Variants in RYR3 observed in about 807,000 individuals in gnomAD.
RYR3 encodes the protein brain ryanodine receptor-calcium release channel.
Under a neutral mutation model 584.3 loss-of-function variants are expected in RYR3, and 207 were observed. The ratio of observed to expected loss-of-function variants is 0.35; its 90% CI spans 0.32 to 0.40. The LOEUF (loss-of-function observed/expected upper bound fraction) is 0.40, where lower values mean the gene tolerates loss of function less well. RYR3 is among the 10% of genes least tolerant of loss of function. The pLI is 1.00. For missense variants in RYR3, 5,616 were observed against 6,089.2 expected, an observed-to-expected ratio of 0.92 and a Z score of 2.59; for synonymous variants, 2,416 against 2,248.5, an observed-to-expected ratio of 1.07 and a Z score of -2.11.
At chr15:33,865,067 AC>A in intron 103 of RYR3, 63 bp from the exon 104 acceptor site, 1 of 1,338,438 alleles carries the variant, frequency 7.5e-7, no homozygotes, top group Non-Finnish European at 1.1e-6. Flanking sequence ...AAGAACAAAA[AC>A]AAACTGGGTT....
chr15:33,811,621 T>TTACAAAGAGGG (rs1555468839), intron 72 of RYR3, among the ~76,000 whole-genome samples: 2 of 151,306 alleles, frequency 1.3e-5, no homozygotes, highest in Non-Finnish European at 2.9e-5. Context: ...ACAAAGAGGA[T>TTACAAAGAGGG]TACAAAGAGG....
At chr15:33,543,294 C>A (rs561805955) in intron 7 of RYR3, among the ~76,000 whole-genome samples, 1 of 152,214 alleles carries the variant, frequency 6.6e-6, no homozygotes, top group South Asian at 2.1e-4. Flanking sequence ...GTACTTACAT[C>A]CTAAGCAACT....
At chr15:33,724,760 A>G (rs1489467629) in intron 45 of RYR3, among the ~76,000 whole-genome samples, 1 of 152,208 alleles carries the variant, frequency 6.6e-6, no homozygotes, top group African/African-American at 2.4e-5. Context: ...GTCTGACATC[A>G]TAAGAGAGGA....
rs575942547 is a variant in RYR3 at position 33,688,560 on chromosome 15, G to A, written c.5861-7658G>A. Among the ~76,000 whole-genome samples the A allele has an allele frequency of 8.9e-4, 121 of 136,418 alleles. 1 individual carries two copies. The highest frequency in any genetic ancestry group is 4.2e-3 in the East Asian group (19 of 4,510). The allele number at this position is 136,418 out of a possible 152,430, so 89.5% of individuals were successfully genotyped here. ...TGCACTCCAGCCTGGGCGACAGAGCGAGACTCCATCTCAAAAAAAAAAAAA... is the reference window on the plus strand; with the variant it reads ...TGCACTCCAGCCTGGGCGACAGAGCAAGACTCCATCTCAAAAAAAAAAAAA... On this transcript the variant is annotated intron_variant, in intron 38 of 103. Transcript: ENST00000634891.
intron 1 of RYR3, among the ~76,000 whole-genome samples, chr15:33,434,863 G>T (rs1458446345): frequency 1.3e-5 from 2 of 152,062 alleles, no homozygotes; most frequent in Non-Finnish European, 2.9e-5. Context: ...TGTCTCCCAG[G>T]CTGGAGTGCA....
Position 33,660,506 on chromosome 15 carries a change from G to A in RYR3, c.4622+83G>A, listed in dbSNP as rs945210422. On this transcript the variant is annotated intron_variant, in intron 34 of 103. Transcript: ENST00000634891. ...AAGCCAGCCCAGAAGGAAACCAGGA[G>A]CATCTGTGTTGGATCCTGCTCAGTC... 17 of 928,176 alleles carry A rather than the reference G, an allele frequency of 1.8e-5. No individual in the cohort carries two copies. In the East Asian group the frequency reaches 3.7e-4, roughly 20 times the overall value. The allele number at this position is 928,176 out of a possible 1,614,324, so 57.5% of individuals were successfully genotyped here. A position where few individuals can be genotyped will look rare whatever the true frequency, so the allele number is the denominator to read the frequency against.
chr15:33,504,880 T>C (rs1290550890), intron 3 of RYR3, among the ~76,000 whole-genome samples: 6 of 152,252 alleles, frequency 3.9e-5, no homozygotes, highest in Admixed American at 1.3e-4. Flanking sequence ...TTCCCTTATG[T>C]AATCCCTACG....
rs1486530984 is a variant in RYR3, at chr15:33,801,898, G to T, written c.9948G>T (p.Val3316=). 1.9e-6 allele frequency: 3 copies of T among 1,577,518 alleles called. No individual in the cohort carries two copies. In the East Asian group the frequency reaches 6.8e-5, roughly 36 times the overall value. Residue 3316 remains valine, a synonymous_variant, in exon 69 of 104, where the codon GTG becomes GTT. Transcript: ENST00000634891. ...HNFKREEQNF[V]IQNEINNLAF... Reference sequence around the variant, plus strand: ...TCAAGAGAGAAGAGCAAAATTTTGTGATTCAGAATGAAATTAATAATTTGG... The same window carrying T: ...TCAAGAGAGAAGAGCAAAATTTTGTTATTCAGAATGAAATTAATAATTTGG...
chr15:33,403,977 A>G (rs888866623), intron 1 of RYR3, among the ~76,000 whole-genome samples: 1 of 152,236 alleles, frequency 6.6e-6, no homozygotes. Context: ...CATATGGAAT[A>G]TCTTGTCAAT....
chr15:33,758,651 T>C (rs1026128643), intron 60 of RYR3, among the ~76,000 whole-genome samples: 3 of 152,130 alleles, frequency 2.0e-5, no homozygotes, highest in African/African-American at 7.2e-5. Flanking sequence ...CCAATCCGGA[T>C]TGTAGACAAA....
chr15:33,833,557 T>C (rs890680915), intron 86 of RYR3, among the ~76,000 whole-genome samples: 5 of 152,220 alleles, frequency 3.3e-5, no homozygotes, highest in Admixed American at 6.5e-5. Context: ...CAAAATGCAG[T>C]GTACCTAAGG....
chr15:33,648,600 C>A (rs2062245465), intron 30 of RYR3, among the ~76,000 whole-genome samples: 1 of 152,210 alleles, frequency 6.6e-6, no homozygotes, highest in Non-Finnish European at 1.5e-5. Flanking sequence ...CAGAAAAAAG[C>A]ACTAGACTTC....
intron 90 of RYR3, among the ~76,000 whole-genome samples, chr15:33,841,360 A>G (rs2078352447): frequency 1.3e-5 from 2 of 152,232 alleles, no homozygotes; most frequent in Non-Finnish European, 2.9e-5. Context: ...TACCCTAGCT[A>G]TATAATAAAT....
chr15:33,342,855 C>T (rs1971995173), intron 1 of RYR3, among the ~76,000 whole-genome samples: 1 of 152,166 alleles, frequency 6.6e-6, no homozygotes, highest in Non-Finnish European at 1.5e-5. Context: ...TTTATTCGAA[C>T]TGTGTCCCCT....
At chr15:33,587,413 A>T (rs2058911331) in intron 16 of RYR3, among the ~76,000 whole-genome samples, 1 of 152,214 alleles carries the variant, frequency 6.6e-6, no homozygotes, top group Non-Finnish European at 1.5e-5. Flanking sequence ...TATTATTAGA[A>T]CACATAGTGT....
chr15:33,605,215 T>C (rs1308671776), intron 18 of RYR3, among the ~76,000 whole-genome samples: 1 of 152,184 alleles, frequency 6.6e-6, no homozygotes, highest in Non-Finnish European at 1.5e-5. Context: ...TTTGTAGAAA[T>C]TTGAGGAATG....
At position 33,697,866 on chromosome 15, in the gene RYR3, CTG is replaced by C; in HGVS notation, c.6135-15_6135-14del. ...AATAAGCAGGTGCTGAAGACTCTCT[CTG>C]ATCCTTATCCTAGAGACATAATGAA... On this transcript the variant is annotated splice_polypyrimidine_tract_variant and intron_variant, in intron 39 of 103. Transcript: ENST00000634891. 1.3e-6 allele frequency: 2 copies of C among 1,525,526 alleles called. No individual in the cohort carries two copies. The highest frequency in any genetic ancestry group is 2.2e-5 in the South Asian group (2 of 89,288). The allele number at this position is 1,525,526 out of a possible 1,614,324, so 94.5% of individuals were successfully genotyped here.
In RYR3 at chr15:33,348,582, T is replaced by A. The variant is rs140237342; in HGVS notation, c.51+37486T>A. ...CCTTTGCCTCCCGGGTTCAAGCTAT[T>A]CTCCTGCCTCAGCTTCCTGAGTAGC... is the stretch of plus-strand genomic sequence containing the variant. On this transcript the variant is annotated intron_variant, in intron 1 of 103. Coordinates refer to ENST00000634891, the MANE Select transcript of RYR3 (RefSeq NM_001036.6). 8.4e-3 allele frequency among the ~76,000 whole-genome samples: 1,277 copies of A among 152,218 alleles called. 21 individuals carry two copies. Among genetic ancestry groups the A allele is most frequent in the African/African-American group, 0.029 (1,215 of 41,528 alleles).
chr15:33,860,513 A>G, intron 100 of RYR3, 82 bp from the exon 101 acceptor site: 2 of 802,142 alleles, frequency 2.5e-6, no homozygotes, highest in Non-Finnish European at 3.8e-6. Context: ...TTTTTAACAG[A>G]ACAAAGTAGC....
Sources: allele counts gnomAD v4.1 joint callset (sites outside exome capture counted in the v4.1 genomes callset), GRCh38; gene constraint gnomAD v4.1.1; transcripts MANE v1.5; gene names NCBI Gene and HGNC (gene_info 2026-07-23, HGNC 2026-07-21).